SMARCAD1: variants seen among roughly 807,000 people sequenced by gnomAD.
SMARCAD1 encodes SNF2 related chromatin remodeling ATPase with DExD box 1, also known as SWI/SNF-related matrix-associated actin-dependent regulator of chromatin subfamily A containing DEAD/H box 1.
A neutral mutation model predicts 127.1 loss-of-function variants in SMARCAD1; 25 were observed. The ratio of observed to expected loss-of-function variants is 0.20; its 90% CI spans 0.14 to 0.27. The LOEUF (loss-of-function observed/expected upper bound fraction) is 0.27, where lower values mean the gene tolerates loss of function less well. SMARCAD1 is among the 10% of genes least tolerant of loss of function. The pLI is 1.00. For synonymous variants in SMARCAD1, 400 were observed against 396.9 expected, an observed-to-expected ratio of 1.01 and a Z score of -0.09; for missense variants, 807 against 1,206.0, an observed-to-expected ratio of 0.67 and a Z score of 4.90.
chr4:94,260,562 T>G (rs1750814086), intron 9 of SMARCAD1, among the ~76,000 whole-genome samples: 1 of 152,038 alleles, frequency 6.6e-6, no homozygotes, highest in Non-Finnish European at 1.5e-5. Context: ...CTTGAACTCC[T>G]GGGGCCTCAA....
chr4:94,251,978 A>C (rs1287762220), intron 8 of SMARCAD1, among the ~76,000 whole-genome samples: 1 of 151,930 alleles, frequency 6.6e-6, no homozygotes, highest in Non-Finnish European at 1.5e-5. Context: ...CAGCCTTCTG[A>C]GTAGCTGGGA....
At chr4:94,270,892 T>C in intron 11 of SMARCAD1, 74 bp downstream of exon 11, 1 of 1,428,676 alleles carries the variant, frequency 7.0e-7, no homozygotes, top group Non-Finnish European at 9.8e-7. Flanking sequence ...ATTTAAAACA[T>C]GAAACTTTTT....
chr4:94,284,336 A>AAAAAG lies in SMARCAD1; in HGVS notation c.2910-620_2910-619insGAAAA, dbSNP rs1754562375. 2.9e-5 allele frequency among the ~76,000 whole-genome samples: 3 copies of AAAAAG among 102,860 alleles called. 1 individual carries two copies. The South Asian group carries it at 1.0e-3, about 36-fold the overall frequency. 67.5% of individuals were successfully genotyped at this position (102,860 alleles called of 152,430 possible). A position where few individuals can be genotyped will look rare whatever the true frequency, so the allele number is the denominator to read the frequency against. On this transcript the variant is annotated intron_variant, in intron 22 of 23. Transcript: ENST00000354268. ...AGCAAGACTCCGTCTCAAAAAAAAA[A>AAAAAG]AAAAAAAAAAAAAAAAAGAAAAAAG... is the stretch of plus-strand genomic sequence containing the variant.
intron 11 of SMARCAD1, among the ~76,000 whole-genome samples, chr4:94,273,366 A>C (rs1483018935): frequency 1.3e-5 from 2 of 152,174 alleles, no homozygotes; most frequent in Non-Finnish European, 2.9e-5. Context: ...CTTCCATATT[A>C]ATGTGTATTG....
intron 3 of SMARCAD1, among the ~76,000 whole-genome samples, chr4:94,230,876 G>C (rs1745733824): frequency 6.6e-6 from 1 of 152,148 alleles, no homozygotes; most frequent in African/African-American, 2.4e-5. Flanking sequence ...CAGGCTGAAA[G>C]GTAAAAGGAA....
At chr4:94,240,671 TTAAA>T (rs1234663922) in intron 5 of SMARCAD1, among the ~76,000 whole-genome samples, 1 of 152,192 alleles carries the variant, frequency 6.6e-6, no homozygotes, top group African/African-American at 2.4e-5. Context: ...TATTTTTAGA[TTAAA>T]TAATGTGATG....
chr4:94,246,938 T>G (rs555417023), intron 6 of SMARCAD1, among the ~76,000 whole-genome samples: 85 of 152,326 alleles, frequency 5.6e-4, no homozygotes, highest in African/African-American at 2.0e-3. Context: ...CCATATTGAT[T>G]TGCTCCAGCA....
At chr4:94,210,235 G>T (rs1356263393) in intron 2 of SMARCAD1, among the ~76,000 whole-genome samples, 4 of 152,164 alleles carry the variant, frequency 2.6e-5, no homozygotes, top group Non-Finnish European at 5.9e-5. Flanking sequence ...TACATGATCA[G>T]CCTTGATGGC....
At chr4:94,281,877 A>G (rs915225697) in intron 21 of SMARCAD1, among the ~76,000 whole-genome samples, 12 of 151,058 alleles carry the variant, frequency 7.9e-5, no homozygotes, top group African/African-American at 2.9e-4. Context: ...CAATAGCAAC[A>G]ACAACAACAA....
intron 11 of SMARCAD1, among the ~76,000 whole-genome samples, chr4:94,271,900 T>A (rs1416763584): frequency 6.6e-6 from 1 of 152,224 alleles, no homozygotes; most frequent in Non-Finnish European, 1.5e-5. Context: ...GAAACTATTT[T>A]TGTAACCTGT....
At chr4:94,273,305 T>C (rs915839233) in intron 11 of SMARCAD1, among the ~76,000 whole-genome samples, 3 of 152,226 alleles carry the variant, frequency 2.0e-5, no homozygotes, top group African/African-American at 7.2e-5. Flanking sequence ...AAACATTCAC[T>C]GTGTCTAAGC....
At chr4:94,237,344 G>T (rs10016806) in intron 5 of SMARCAD1, among the ~76,000 whole-genome samples, 83,345 of 151,742 alleles carry the variant, frequency 0.55, 23,392 homozygotes, top group East Asian at 0.72. Context: ...TTAGGGAAAG[G>T]CGTAGCTGGT....
At chr4:94,210,490 A>C (rs997754994) in intron 2 of SMARCAD1, among the ~76,000 whole-genome samples, 1 of 152,202 alleles carries the variant, frequency 6.6e-6, no homozygotes, top group Non-Finnish European at 1.5e-5. Flanking sequence ...ACTAGTACAC[A>C]CTGATTGAGG....
intron 14 of SMARCAD1, among the ~76,000 whole-genome samples, chr4:94,275,796 C>CTTTTTTTTTTTTTTTTTTTTTTTTTTT (rs535710589): frequency 2.3e-5 from 2 of 85,412 alleles, no homozygotes; most frequent in African/African-American, 7.5e-5. Context: ...TTAACATTTT[C>CTTTTTTTTTTTTTTTTTTTTTTTTTTT]TTTTTTTTTT....
rs750893141 is a variant in SMARCAD1 at position 94,273,606 on chromosome 4, A to C, written c.1573-11A>C. On this transcript the variant is annotated splice_polypyrimidine_tract_variant and intron_variant, in intron 11 of 23. Transcript: ENST00000354268. ...TTTAAAATGTTATATATTGTCTTTT[A>C]AACTTTTTAGGGCCTAGGAAAAACT... 6.9e-6 allele frequency: 11 copies of C among 1,601,850 alleles called. No homozygotes were observed. In the Admixed American group the frequency reaches 1.5e-4, roughly 22 times the overall value.
rs70946518 is a variant in SMARCAD1 at position 94,282,100 on chromosome 4, G to GTTTTTTT, written c.2726+521_2726+527dup. ...GAATTACATGCAAATACGTTTTTTT[G>GTTTTTTT]TTTTTTTTTTTTTTTTTGAGACGGA... On this transcript the variant is annotated intron_variant, in intron 21 of 23. Coordinates refer to ENST00000354268, the MANE Select transcript of SMARCAD1 (RefSeq NM_020159.5). Among the ~76,000 whole-genome samples, 56 of 74,956 alleles carry GTTTTTTT rather than the reference G, an allele frequency of 7.5e-4. 5 individuals carry two copies. Among genetic ancestry groups the GTTTTTTT allele is most frequent in the Non-Finnish European group, 1.1e-3 (48 of 44,146 alleles). 49.2% of individuals were successfully genotyped at this position (74,956 alleles called of 152,430 possible).
chr4:94,276,494 GT>G lies in SMARCAD1; in HGVS notation c.1944+24del. The G allele has an allele frequency of 1.2e-6, 2 of 1,613,430 alleles. No homozygotes were observed. The highest frequency in any genetic ancestry group is 1.7e-6 in the Non-Finnish European group (2 of 1,179,734). ...ATTAATGTAAGAGAATGTTTGTAAAGTTTTCCAAATTACTGTAAAATTTAGA... is the reference window on the plus strand; with the variant it reads ...ATTAATGTAAGAGAATGTTTGTAAAGTTTCCAAATTACTGTAAAATTTAGA... On this transcript the variant is annotated intron_variant, in intron 15 of 23. Transcript: ENST00000354268.
intron 10 of SMARCAD1, 130 bp downstream of exon 10, chr4:94,265,036 A>G: frequency 1.2e-6 from 1 of 811,050 alleles, no homozygotes. Context: ...GTTTTCTGTA[A>G]TGGCACATAA....
chr4:94,273,134 T>A (rs74970312), intron 11 of SMARCAD1, among the ~76,000 whole-genome samples: 1 of 152,220 alleles, frequency 6.6e-6, no homozygotes, highest in East Asian at 1.9e-4. Context: ...TGTTTGGCTA[T>A]TAAGATAAAA....
Sources: gnomAD v4.1 joint callset for allele counts (sites outside exome capture counted in the v4.1 genomes callset) on GRCh38, gnomAD v4.1.1 for gene constraint, MANE v1.5 for transcripts, NCBI Gene and HGNC (gene_info 2026-07-23, HGNC 2026-07-21) for gene names.